SLC24A2: variants seen among roughly 807,000 people sequenced by gnomAD.
SLC24A2 encodes the protein sodium/potassium/calcium exchanger 2.
Under a neutral mutation model 62.0 loss-of-function variants are expected in SLC24A2, and 36 were observed. The observed-to-expected ratio is 0.58, with a 90% confidence interval of 0.44 to 0.77. SLC24A2 has a LOEUF of 0.77. Ranked by LOEUF, SLC24A2 falls within the 30% of genes least tolerant of loss-of-function variation. The probability of loss-of-function intolerance (pLI) is 0.00; values close to 1 mark genes in which losing one functional copy is unlikely to be tolerated. For synonymous variants in SLC24A2, 358 were observed against 294.0 expected (o/e 1.22, Z -2.23); for missense variants, 846 against 817.9 (o/e 1.03, Z -0.42).
chr9:20,194,840 CACAG>C, the SLC24A2 span, among the ~76,000 whole-genome samples: 20 of 152,142 alleles, frequency 1.3e-4, no homozygotes, highest in Admixed American at 5.9e-4. Context: ...AGGAAACACA[CACAG>C]ACAGACACAC....
chr9:19,711,812 A>C (rs1418204513), intron 2 of SLC24A2, among the ~76,000 whole-genome samples: 2 of 151,750 alleles, frequency 1.3e-5, no homozygotes, highest in Non-Finnish European at 2.9e-5. Flanking sequence ...AGCAAAATAG[A>C]AGCGATAATG....
At chr9:19,565,065 T>A (rs4977562) in intron 7 of SLC24A2, among the ~76,000 whole-genome samples, 1 of 152,012 alleles carries the variant, frequency 6.6e-6, no homozygotes. Context: ...GACAGGGATG[T>A]CTTCTCTCAC....
the SLC24A2 span, among the ~76,000 whole-genome samples, chr9:20,207,893 G>T: frequency 6.6e-6 from 1 of 152,144 alleles, no homozygotes; most frequent in Non-Finnish European, 1.5e-5. Context: ...TTTCTACAGA[G>T]TTTGTGTTTA....
intron 2 of SLC24A2, among the ~76,000 whole-genome samples, chr9:19,650,029 C>G: frequency 6.6e-6 from 1 of 152,236 alleles, no homozygotes; most frequent in East Asian, 1.9e-4. Context: ...GGTGACATAA[C>G]ATACACAGCA....
At chr9:19,702,217 T>C (rs1038060840) in intron 2 of SLC24A2, among the ~76,000 whole-genome samples, 7 of 152,346 alleles carry the variant, frequency 4.6e-5, no homozygotes, top group South Asian at 2.1e-4. Flanking sequence ...GTTTTTCCCA[T>C]GAATGCAGGT....
chr9:20,034,721 A>G, the SLC24A2 span, among the ~76,000 whole-genome samples: 6 of 151,232 alleles, frequency 4.0e-5, no homozygotes, highest in East Asian at 1.9e-4. Context: ...GCCCGCCTTG[A>G]CCTCCCAAAG....
At chr9:19,803,683 A>G in the SLC24A2 span, among the ~76,000 whole-genome samples, 2 of 152,210 alleles carry the variant, frequency 1.3e-5, no homozygotes, top group Non-Finnish European at 2.9e-5. Flanking sequence ...TTACCCAATA[A>G]TTCAGAAGAG....
the SLC24A2 span, among the ~76,000 whole-genome samples, chr9:20,064,523 C>T: frequency 6.6e-6 from 1 of 151,788 alleles, no homozygotes; most frequent in South Asian, 2.1e-4. Flanking sequence ...AAAAAAAAGC[C>T]AAGAAAAAAA....
chr9:19,894,525 A>C, the SLC24A2 span, among the ~76,000 whole-genome samples: 1 of 152,084 alleles, frequency 6.6e-6, no homozygotes, highest in Non-Finnish European at 1.5e-5. Flanking sequence ...TTTTATCTCT[A>C]GCATAATGTC....
chr9:20,195,364 AT>A, the SLC24A2 span, among the ~76,000 whole-genome samples: 1 of 152,174 alleles, frequency 6.6e-6, no homozygotes, highest in Non-Finnish European at 1.5e-5. Flanking sequence ...CTTCAAAAAC[AT>A]TTGGCATCAG....
chr9:19,708,857 A>G (rs1168450813), intron 2 of SLC24A2, among the ~76,000 whole-genome samples: 1 of 152,224 alleles, frequency 6.6e-6, no homozygotes, highest in African/African-American at 2.4e-5. Flanking sequence ...CAAGGACTGC[A>G]TGTCTAAAAC....
intron 2 of SLC24A2, 51 bp downstream of exon 2, chr9:19,785,886 T>A: frequency 1.2e-6 from 2 of 1,613,102 alleles, no homozygotes; most frequent in Non-Finnish European, 1.7e-6. Context: ...AACATAATAA[T>A]TCAGAACCGT....
At position 19,512,207 on chromosome 9, in the gene SLC24A2, A is replaced by T. The variant is rs1444489028; in HGVS notation, c.*3946T>A. ...GAATGGATGTACATTAACATTGTCAAATGTCTAATCAGCGAGGCAGCTGCG... is the reference window on the plus strand; with the variant it reads ...GAATGGATGTACATTAACATTGTCATATGTCTAATCAGCGAGGCAGCTGCG... On this transcript the variant is annotated 3_prime_UTR_variant, in exon 11 of 11. Transcript: ENST00000341998. The T allele has an allele frequency of 6.6e-6, 1 of 152,212 alleles. No individual in the cohort carries two copies. The allele number at this position is 152,212 out of a possible 1,614,324, so 9.4% of individuals were successfully genotyped here.
chr9:19,812,781 C>T, the SLC24A2 span, among the ~76,000 whole-genome samples: 2 of 6,914 alleles, frequency 2.9e-4, no homozygotes, highest in East Asian at 0.026. Context: ...AAAGTATTCA[C>T]CATTTTTTTT....
At chr9:20,073,086 T>C in the SLC24A2 span, among the ~76,000 whole-genome samples, 8 of 152,278 alleles carry the variant, frequency 5.3e-5, no homozygotes, top group East Asian at 1.2e-3. Flanking sequence ...ACAATACATA[T>C]GTATTATCTC....
chr9:19,616,461 G>A (rs375730083), intron 4 of SLC24A2, among the ~76,000 whole-genome samples: 18 of 152,136 alleles, frequency 1.2e-4, no homozygotes, highest in Admixed American at 5.2e-4. Flanking sequence ...AGTCTGGTTC[G>A]GGAGTCTGTC....
At chr9:19,946,144 G>A in the SLC24A2 span, among the ~76,000 whole-genome samples, 1 of 152,184 alleles carries the variant, frequency 6.6e-6, no homozygotes, top group African/African-American at 2.4e-5. Flanking sequence ...AATTGGCCAT[G>A]AGCAAAGGCG....
At chr9:19,953,900 C>T in the SLC24A2 span, among the ~76,000 whole-genome samples, 4 of 151,722 alleles carry the variant, frequency 2.6e-5, no homozygotes, top group African/African-American at 9.7e-5. Flanking sequence ...TAATCTAATA[C>T]TGAAAATATT....
intron 5 of SLC24A2, among the ~76,000 whole-genome samples, chr9:19,584,273 T>TAAAAAAAAAAAAAAAAAAAAACAAAA (rs5896848): frequency 8.3e-6 from 1 of 119,944 alleles, no homozygotes; most frequent in Non-Finnish European, 1.7e-5. Context: ...TAGCAAATAG[T>TAAAAAAAAAAAAAAAAAAAAACAAAA]AAAAAAAAAA....
Sources: gnomAD v4.1 joint callset for allele counts (sites outside exome capture counted in the v4.1 genomes callset) on GRCh38, gnomAD v4.1.1 for gene constraint, MANE v1.5 for transcripts, NCBI Gene and HGNC (gene_info 2026-07-23, HGNC 2026-07-21) for gene names.